POFUT3: variants seen among roughly 807,000 people sequenced by gnomAD.
The protein encoded by POFUT3 is GDP-fucose protein O-fucosyltransferase 3.
chr8:33,431,918 G>A, the POFUT3 span, among the ~76,000 whole-genome samples: 2 of 152,098 alleles, frequency 1.3e-5, no homozygotes, highest in Admixed American at 1.3e-4. Flanking sequence ...TCTTCTAGGA[G>A]CTGTCCCCAA....
chr8:33,334,170 C>T, the POFUT3 span, among the ~76,000 whole-genome samples: 1 of 152,092 alleles, frequency 6.6e-6, no homozygotes, highest in Non-Finnish European at 1.5e-5. Flanking sequence ...GCTTCTCACA[C>T]TTACTTGAAT....
chr8:33,345,649 C>T, the POFUT3 span, among the ~76,000 whole-genome samples: 7 of 151,724 alleles, frequency 4.6e-5, no homozygotes, highest in South Asian at 2.1e-4. Context: ...GATCCGCCCA[C>T]GTAGGCCTCC....
chr8:33,451,091 T>TGTGTGTAC, the POFUT3 span, among the ~76,000 whole-genome samples: 8 of 151,320 alleles, frequency 5.3e-5, no homozygotes, highest in African/African-American at 1.9e-4. Flanking sequence ...TGTGTGTGTG[T>TGTGTGTAC]ACACATACAT....
At chr8:33,416,538 C>A in the POFUT3 span, among the ~76,000 whole-genome samples, 1 of 152,032 alleles carries the variant, frequency 6.6e-6, no homozygotes, top group East Asian at 1.9e-4. Context: ...ATGGATAAAC[C>A]CCATCTCTAC....
the POFUT3 span, among the ~76,000 whole-genome samples, chr8:33,442,300 T>TG: frequency 6.4e-5 from 8 of 124,792 alleles, no homozygotes; most frequent in African/African-American, 1.8e-4. Flanking sequence ...CTTTTTTTTT[T>TG]GGGGGGGGAC....
the POFUT3 span, among the ~76,000 whole-genome samples, chr8:33,328,609 A>G: frequency 6.6e-6 from 1 of 152,164 alleles, no homozygotes; most frequent in Non-Finnish European, 1.5e-5. Flanking sequence ...TACCTTCTGT[A>G]TTGTTCACCT....
chr8:33,412,510 G>A, the POFUT3 span, among the ~76,000 whole-genome samples: 1 of 152,202 alleles, frequency 6.6e-6, no homozygotes, highest in Non-Finnish European at 1.5e-5. Context: ...TTTTTGCCCT[G>A]TGTCTGAGTA....
At chr8:33,357,562 A>G in the POFUT3 span, among the ~76,000 whole-genome samples, 2 of 151,684 alleles carry the variant, frequency 1.3e-5, no homozygotes, top group Non-Finnish European at 2.9e-5. Context: ...ATACATATAT[A>G]TGTGTATATA....
At chr8:33,393,875 G>T in the POFUT3 span, among the ~76,000 whole-genome samples, 1 of 152,230 alleles carries the variant, frequency 6.6e-6, no homozygotes, top group African/African-American at 2.4e-5. Context: ...TGCTTCTGCA[G>T]AATGCTCTCC....
At chr8:33,414,055 G>A in the POFUT3 span, among the ~76,000 whole-genome samples, 1 of 152,054 alleles carries the variant, frequency 6.6e-6, no homozygotes, top group Non-Finnish European at 1.5e-5. Flanking sequence ...CTCAGTGCAG[G>A]GAAGGGCTTC....
the POFUT3 span, among the ~76,000 whole-genome samples, chr8:33,404,263 G>A: frequency 1.3e-5 from 2 of 151,652 alleles, no homozygotes; most frequent in East Asian, 1.9e-4. Flanking sequence ...ACTTGAACCC[G>A]GGAAGCGGAG....
At chr8:33,331,928 C>CG in the POFUT3 span, among the ~76,000 whole-genome samples, 151,279 of 151,288 alleles carry the variant, frequency 1, 75,635 homozygotes, top group Middle Eastern at 1. Context: ...CCACCCGCCT[C>CG]GCCTCCCAAA....
chr8:33,319,412 T>C, the POFUT3 span, among the ~76,000 whole-genome samples: 2 of 70,284 alleles, frequency 2.8e-5, 1 homozygote, highest in Non-Finnish European at 4.5e-5. Flanking sequence ...GTATATATTA[T>C]ATAAATATAT....
At chr8:33,437,475 T>C in the POFUT3 span, among the ~76,000 whole-genome samples, 1 of 152,154 alleles carries the variant, frequency 6.6e-6, no homozygotes, top group Non-Finnish European at 1.5e-5. Context: ...TCTGGATGTT[T>C]TTCTTCTAGA....
the POFUT3 span, chr8:33,453,570 T>G: frequency 7.2e-7 from 1 of 1,382,388 alleles, no homozygotes; most frequent in Non-Finnish European, 9.9e-7. Context: ...TGCACATCTC[T>G]CATTAATCTT....
chr8:33,318,596 TA>T, the POFUT3 span, among the ~76,000 whole-genome samples: 6 of 101,284 alleles, frequency 5.9e-5, no homozygotes, highest in South Asian at 5.4e-4. Flanking sequence ...TATATTTATA[TA>T]ATATATAAAT....
At chr8:33,425,196 T>C in the POFUT3 span, among the ~76,000 whole-genome samples, 288 of 151,978 alleles carry the variant, frequency 1.9e-3, 1 homozygote, top group African/African-American at 6.7e-3. Flanking sequence ...AATTAGGTCA[T>C]GGTGGTACAC....
At chr8:33,343,180 T>G in the POFUT3 span, among the ~76,000 whole-genome samples, 9 of 151,438 alleles carry the variant, frequency 5.9e-5, no homozygotes, top group Admixed American at 5.2e-4. Flanking sequence ...AATTTTAAAA[T>G]ATTTAGTTTA....
At chr8:33,353,317 A>C in the POFUT3 span, among the ~76,000 whole-genome samples, 2 of 152,244 alleles carry the variant, frequency 1.3e-5, no homozygotes, top group Admixed American at 1.3e-4. Context: ...CTGTGCCTAC[A>C]TGATGTCAAA....
Sources: gnomAD v4.1 joint callset for allele counts (sites outside exome capture counted in the v4.1 genomes callset) on GRCh38, gnomAD v4.1.1 for gene constraint, MANE v1.5 for transcripts, NCBI Gene and HGNC (gene_info 2026-07-23, HGNC 2026-07-21) for gene names.